The following MOSMO variants were observed in gnomAD, a reference collection of about 807,000 sequenced individuals.
MOSMO encodes modulator of smoothened.
A neutral mutation model predicts 18.4 loss-of-function variants in MOSMO; 5 were observed. The observed-to-expected ratio is 0.27, with a 90% confidence interval of 0.14 to 0.57. The LOEUF (loss-of-function observed/expected upper bound fraction) is 0.57. MOSMO is among the 20% of genes least tolerant of loss of function. MOSMO has a pLI of 0.92. For missense variants in MOSMO, 138 were observed against 211.8 expected (o/e 0.65, Z 2.16); for synonymous variants, 82 against 82.3 (o/e 1.00, Z 0.02).
Position 22,017,591 on chromosome 16 carries a change from A to G in MOSMO, c.106+9184A>G, listed in dbSNP as rs190562513. ...TCCTTTATCAACTACAAACTGATGA[A>G]AAAGTAATGTTGGGAAAGCTGTTGT... On this transcript the variant is annotated intron_variant, in intron 1 of 2. Coordinates refer to ENST00000542527, the MANE Select transcript of MOSMO (RefSeq NM_001164579.2). Among the ~76,000 whole-genome samples, 362 of 152,316 alleles carry G rather than the reference A, an allele frequency of 2.4e-3. 1 individual carries two copies. Among genetic ancestry groups the G allele is most frequent in the African/African-American group, 8.1e-3 (337 of 41,582 alleles).
At chr16:22,064,717 T>A (rs1248387366) in intron 1 of MOSMO, among the ~76,000 whole-genome samples, 2 of 152,226 alleles carry the variant, frequency 1.3e-5, no homozygotes, top group Non-Finnish European at 2.9e-5. Context: ...TTTAGAATTT[T>A]AAAATTTAAA....
At chr16:22,034,320 G>A (rs1403216452) in intron 1 of MOSMO, among the ~76,000 whole-genome samples, 2 of 152,102 alleles carry the variant, frequency 1.3e-5, no homozygotes, top group East Asian at 3.8e-4. Flanking sequence ...CTTTCCTTAT[G>A]TAGGTCCAAA....
intron 1 of MOSMO, among the ~76,000 whole-genome samples, chr16:22,051,113 C>T (rs991546381): frequency 6.6e-6 from 1 of 152,018 alleles, no homozygotes; most frequent in African/African-American, 2.4e-5. Flanking sequence ...TATGGCTGGG[C>T]GCGATGGCTC....
intron 1 of MOSMO, among the ~76,000 whole-genome samples, chr16:22,058,262 C>T (rs986053169): frequency 4.0e-5 from 6 of 151,814 alleles, no homozygotes; most frequent in Middle Eastern, 3.2e-3. Context: ...CCCATCTCTA[C>T]TAAAAATACA....
chr16:22,034,006 G>A (rs1317535424), intron 1 of MOSMO, among the ~76,000 whole-genome samples: 1 of 152,108 alleles, frequency 6.6e-6, no homozygotes. Context: ...GGTTTTGCAC[G>A]ATGGTCAAGT....
chr16:22,027,809 C>T (rs781164640), intron 1 of MOSMO, among the ~76,000 whole-genome samples: 5 of 152,148 alleles, frequency 3.3e-5, no homozygotes, highest in Admixed American at 6.6e-5. Context: ...ATTTCTCATT[C>T]GTTTCCTGCC....
At chr16:22,061,336 G>A (rs962890434) in intron 1 of MOSMO, among the ~76,000 whole-genome samples, 1 of 152,166 alleles carries the variant, frequency 6.6e-6, no homozygotes, top group African/African-American at 2.4e-5. Flanking sequence ...AAGCCTTTTA[G>A]GATATCACTT....
chr16:22,083,377 T>C lies in MOSMO; in HGVS notation c.*2497T>C, dbSNP rs1901116787. The C allele has an allele frequency of 4.9e-6, 1 of 202,898 alleles. No individual in the cohort carries two copies. Among genetic ancestry groups the C allele is most frequent in the African/African-American group, 2.4e-5 (1 of 41,796 alleles). The allele number at this position is 202,898 out of a possible 1,614,324, so 12.6% of individuals were successfully genotyped here. ...AGGGCTGATGGGGGAAAACTCCCTC[T>C]AGCCAGTCAGCACTCTAACCCAGGA... On this transcript the variant is annotated 3_prime_UTR_variant, in exon 3 of 3. Coordinates refer to ENST00000542527, the MANE Select transcript of MOSMO (RefSeq NM_001164579.2).
chr16:22,078,971 T>C (rs1901026592), intron 2 of MOSMO, among the ~76,000 whole-genome samples: 1 of 152,210 alleles, frequency 6.6e-6, no homozygotes, highest in Admixed American at 6.5e-5. Flanking sequence ...GTGTGGTCAT[T>C]TGCCCAAAAT....
rs923507252 is a variant in MOSMO, at chr16:22,053,079, C to T, written c.107-22408C>T. ...AAGCGATTCTCTTGCCTCAGACTCC[C>T]AAGTAGCTGGTACCACAGGCACCCG... On this transcript the variant is annotated intron_variant, in intron 1 of 2. Coordinates refer to ENST00000542527, the MANE Select transcript of MOSMO (RefSeq NM_001164579.2). Among the ~76,000 whole-genome samples the T allele has an allele frequency of 2.6e-5, 4 of 151,468 alleles. No homozygotes were observed. The East Asian group carries it at 5.8e-4, about 22-fold the overall frequency.
chr16:22,089,923 C>G (rs1901263540), downstream of MOSMO: 1 of 151,932 alleles, frequency 6.6e-6, no homozygotes, highest in Non-Finnish European at 1.5e-5. Context: ...AATATCATCT[C>G]CCCTTTGGCT....
intron 1 of MOSMO, among the ~76,000 whole-genome samples, chr16:22,051,505 G>A (rs1049451837): frequency 1.3e-5 from 2 of 152,014 alleles, no homozygotes; most frequent in African/African-American, 4.8e-5. Context: ...CAGACAAATG[G>A]CTAATTTCCT....
intron 1 of MOSMO, among the ~76,000 whole-genome samples, chr16:22,056,019 T>C (rs1900525519): frequency 6.6e-6 from 1 of 152,200 alleles, no homozygotes; most frequent in Non-Finnish European, 1.5e-5. Flanking sequence ...TTTGGTGATA[T>C]GTCCTCCACA....
chr16:22,063,994 A>G (rs1213087935), intron 1 of MOSMO, among the ~76,000 whole-genome samples: 2 of 152,180 alleles, frequency 1.3e-5, no homozygotes, highest in East Asian at 1.9e-4. Flanking sequence ...AGCGCTGCTA[A>G]TTAACTTTGT....
At chr16:22,032,383 C>CT (rs1417188197) in intron 1 of MOSMO, among the ~76,000 whole-genome samples, 1 of 151,860 alleles carries the variant, frequency 6.6e-6, no homozygotes, top group Non-Finnish European at 1.5e-5. Context: ...GTAGAGATGG[C>CT]TTTTTGCCAT....
At chr16:22,021,623 C>T (rs1055649406) in intron 1 of MOSMO, among the ~76,000 whole-genome samples, 2 of 151,996 alleles carry the variant, frequency 1.3e-5, no homozygotes, top group African/African-American at 4.8e-5. Flanking sequence ...CATGATGAAA[C>T]CCTGTGTCTA....
At chr16:22,050,127 G>A (rs532110989) in intron 1 of MOSMO, among the ~76,000 whole-genome samples, 1 of 152,164 alleles carries the variant, frequency 6.6e-6, no homozygotes, top group Non-Finnish European at 1.5e-5. Flanking sequence ...TCCTGCCTGG[G>A]TTCCTCTGTC....
At chr16:22,009,945 T>C (rs1899489295) in intron 1 of MOSMO, among the ~76,000 whole-genome samples, 1 of 151,450 alleles carries the variant, frequency 6.6e-6, no homozygotes, top group Non-Finnish European at 1.5e-5. Flanking sequence ...GAGCTGAGAT[T>C]GCGCTACTGC....
chr16:22,061,316 G>A (rs1900641083), intron 1 of MOSMO, among the ~76,000 whole-genome samples: 1 of 152,168 alleles, frequency 6.6e-6, no homozygotes, highest in Non-Finnish European at 1.5e-5. Flanking sequence ...CATTTGTGAA[G>A]GGTTATCAGA....
Sources: allele counts gnomAD v4.1 joint callset (sites outside exome capture counted in the v4.1 genomes callset), GRCh38; gene constraint gnomAD v4.1.1; transcripts MANE v1.5; gene names NCBI Gene and HGNC (gene_info 2026-07-23, HGNC 2026-07-21).